LRRC8B: variants seen among roughly 807,000 people sequenced by gnomAD.
LRRC8B encodes leucine rich repeat containing 8 VRAC subunit B.
LRRC8B carries 23 observed loss-of-function variants against 58.8 expected under a neutral mutation model. The observed-to-expected ratio is 0.39, with a 90% CI of 0.28 to 0.55. LRRC8B has a LOEUF of 0.55. Among genes scored for constraint, LRRC8B ranks in the 20% least tolerant of loss-of-function variants. The pLI is 0.62. For synonymous variants in LRRC8B, 359 were observed against 374.1 expected (o/e 0.96, Z 0.47); for missense variants, 694 against 936.0 (o/e 0.74, Z 3.37).
chr1:89,558,492 G>A (rs546390254), intron 1 of LRRC8B, among the ~76,000 whole-genome samples: 185 of 152,238 alleles, frequency 1.2e-3, no homozygotes, highest in Non-Finnish European at 2.1e-3. Context: ...CAAGAAAGGA[G>A]GCAATTTCAG....
intron 1 of LRRC8B, among the ~76,000 whole-genome samples, chr1:89,553,444 A>G (rs1162655353): frequency 2.0e-5 from 3 of 152,178 alleles, no homozygotes; most frequent in African/African-American, 4.8e-5. Context: ...GGCCCAGAAT[A>G]TATCTGGCAC....
intron 1 of LRRC8B, among the ~76,000 whole-genome samples, chr1:89,549,093 A>G (rs992254081): frequency 2.0e-5 from 3 of 152,212 alleles, no homozygotes; most frequent in African/African-American, 7.2e-5. Context: ...AGTGAGCCCT[A>G]CAAATAGAAG....
chr1:89,589,186 C>T (rs1177125103), intron 5 of LRRC8B, among the ~76,000 whole-genome samples: 1 of 152,110 alleles, frequency 6.6e-6, no homozygotes, highest in Non-Finnish European at 1.5e-5. Context: ...CTTTACCAGC[C>T]CCTACTCTAG....
intron 1 of LRRC8B, among the ~76,000 whole-genome samples, chr1:89,564,036 T>C (rs1184192477): frequency 6.6e-6 from 1 of 152,234 alleles, no homozygotes. Context: ...ATATGGGTAA[T>C]ATGGTTTTGA....
At chr1:89,562,492 G>A (rs1652750640) in intron 1 of LRRC8B, among the ~76,000 whole-genome samples, 1 of 150,686 alleles carries the variant, frequency 6.6e-6, no homozygotes, top group Non-Finnish European at 1.5e-5. Context: ...TTCTTTCCGA[G>A]ACTTGGTCTC....
At chr1:89,529,512 A>G (rs1490462808) in intron 1 of LRRC8B, among the ~76,000 whole-genome samples, 1 of 152,124 alleles carries the variant, frequency 6.6e-6, no homozygotes, top group Admixed American at 6.5e-5. Context: ...TTACCTGTAA[A>G]CTGGATAATA....
intron 1 of LRRC8B, chr1:89,526,836 CA>C (rs1210698808): frequency 3.3e-5 from 5 of 152,104 alleles, no homozygotes; most frequent in African/African-American, 1.2e-4. Flanking sequence ...TAAGGTGTTC[CA>C]ACATGTTCAG....
chr1:89,536,069 A>ATAGCAAAACAACTTG (rs1650500877), intron 1 of LRRC8B, among the ~76,000 whole-genome samples: 1 of 152,176 alleles, frequency 6.6e-6, no homozygotes, highest in Non-Finnish European at 1.5e-5. Flanking sequence ...TTGCCTTCAT[A>ATAGCAAAACAACTTG]TAGCAAAACA....
chr1:89,571,420 G>A (rs958760488), intron 3 of LRRC8B, among the ~76,000 whole-genome samples: 1 of 151,658 alleles, frequency 6.6e-6, no homozygotes, highest in Non-Finnish European at 1.5e-5. Flanking sequence ...GTTCTCCCTA[G>A]TTATCTGTAT....
chr1:89,561,938 A>T (rs144567116), intron 1 of LRRC8B, among the ~76,000 whole-genome samples: 287 of 151,958 alleles, frequency 1.9e-3, no homozygotes, highest in African/African-American at 6.3e-3. Context: ...GCCTTTATCC[A>T]CTCGTGCTTT....
At chr1:89,560,394 T>TG (rs1652539342) in intron 1 of LRRC8B, among the ~76,000 whole-genome samples, 1 of 151,930 alleles carries the variant, frequency 6.6e-6, no homozygotes, top group South Asian at 2.1e-4. Flanking sequence ...TATATCTTTT[T>TG]TTTTTTAATA....
chr1:89,558,095 C>T (rs1053122792), intron 1 of LRRC8B, among the ~76,000 whole-genome samples: 18 of 152,178 alleles, frequency 1.2e-4, no homozygotes, highest in Admixed American at 8.5e-4. Context: ...ATGAGACAGG[C>T]AGCATGATAA....
intron 1 of LRRC8B, among the ~76,000 whole-genome samples, chr1:89,530,913 GCCTCTC>G (rs1650083437): frequency 6.6e-6 from 1 of 152,116 alleles, no homozygotes; most frequent in Non-Finnish European, 1.5e-5. Flanking sequence ...GGGAAACAAT[GCCTCTC>G]TAATCCCTGT....
At chr1:89,536,382 T>C (rs904105242) in intron 1 of LRRC8B, among the ~76,000 whole-genome samples, 5 of 152,128 alleles carry the variant, frequency 3.3e-5, no homozygotes, top group Admixed American at 6.6e-5. Context: ...TTTAGAAAAA[T>C]CTCTAAGGAT....
intron 1 of LRRC8B, among the ~76,000 whole-genome samples, chr1:89,545,809 G>A (rs1302039144): frequency 6.6e-6 from 1 of 152,204 alleles, no homozygotes; most frequent in Non-Finnish European, 1.5e-5. Flanking sequence ...CGTAGGAGGT[G>A]AGGCTTGCAG....
chr1:89,592,158 T>C (rs1358480584), intron 5 of LRRC8B, among the ~76,000 whole-genome samples: 1 of 152,196 alleles, frequency 6.6e-6, no homozygotes, highest in Non-Finnish European at 1.5e-5. Flanking sequence ...GTGTTATAAA[T>C]TATTTAGTTG....
At chr1:89,544,592 C>A (rs1332785023) in intron 1 of LRRC8B, among the ~76,000 whole-genome samples, 3 of 151,016 alleles carry the variant, frequency 2.0e-5, no homozygotes, top group Non-Finnish European at 4.5e-5. Context: ...TTGTAAGAAA[C>A]CTTATAATAA....
At position 89,584,313 on chromosome 1, in the gene LRRC8B, G is replaced by A; in HGVS notation, c.1663G>A (p.Val555Ile). ...GAGCAGCCTCTCCCGGATCCCACAA[G>A]TTGTTACAGACCTCCTGCCTTCATT... ...LKSSLSRIPQ[V>I]VTDLLPSLQK... Residue 555 changes from valine to isoleucine, a missense_variant, in exon 5 of 6, where the codon GTT becomes ATT. Val to Ile is a conservative substitution (Grantham distance 29, BLOSUM62 3). This residue lies in a region of LRRC8B where 162 missense variants were observed against 198.5 expected (regional missense o/e 0.82). Transcript: ENST00000330947. The A allele has an allele frequency of 6.2e-7, 1 of 1,614,140 alleles. No individual in the cohort carries two copies. Among genetic ancestry groups the A allele is most frequent in the Non-Finnish European group, 8.5e-7 (1 of 1,180,046 alleles).
intron 1 of LRRC8B, among the ~76,000 whole-genome samples, chr1:89,544,829 A>C (rs6428555): frequency 0.51 from 78,113 of 151,986 alleles, 20,365 homozygotes; most frequent in South Asian, 0.57. Context: ...TTTCCTTTGG[A>C]AAAGCAGAAT....
Sources: allele counts gnomAD v4.1 joint callset (sites outside exome capture counted in the v4.1 genomes callset), GRCh38; gene constraint gnomAD v4.1.1; regional missense constraint gnomAD v4.1.1; transcripts MANE v1.5; gene names NCBI Gene and HGNC (gene_info 2026-07-23, HGNC 2026-07-21).